The following PROX1 variants were observed in gnomAD, a reference collection of about 807,000 sequenced individuals.
PROX1 encodes the protein prospero homeobox protein 1.
In PROX1, 7 loss-of-function variants were observed where a neutral mutation model predicts 58.8. The observed-to-expected ratio is 0.12, with a 90% confidence interval of 0.07 to 0.22. The LOEUF is 0.22. PROX1 is among the 10% of genes least tolerant of loss of function. PROX1 has a pLI of 1.00. For synonymous variants in PROX1, 350 were observed against 358.3 expected, an observed-to-expected ratio of 0.98 and a Z score of 0.26; for missense variants, 675 against 927.8, an observed-to-expected ratio of 0.73 and a Z score of 3.54.
At chr1:214,026,887 A>T (rs1398947006) in intron 4 of PROX1, among the ~76,000 whole-genome samples, 1 of 152,122 alleles carries the variant, frequency 6.6e-6, no homozygotes, top group Non-Finnish European at 1.5e-5. Flanking sequence ...TTCAAGGTAG[A>T]TCCTCAACCT....
intron 4 of PROX1, among the ~76,000 whole-genome samples, chr1:214,021,396 T>C (rs1664274387): frequency 6.6e-6 from 1 of 152,184 alleles, no homozygotes; most frequent in Non-Finnish European, 1.5e-5. Context: ...GAGGGTTGTG[T>C]CCATATTCTC....
At chr1:214,010,678 A>G (rs1383976232) in intron 3 of PROX1, among the ~76,000 whole-genome samples, 1 of 152,208 alleles carries the variant, frequency 6.6e-6, no homozygotes, top group Non-Finnish European at 1.5e-5. Context: ...ATCCAGAAAG[A>G]CATCTTCATT....
chr1:213,996,339 A>C, intron 1 of PROX1, 130 bp from the exon 2 acceptor site: 1 of 565,480 alleles, frequency 1.8e-6, no homozygotes, highest in Admixed American at 3.3e-5. Context: ...GTGCATAATA[A>C]ATTGCAATAA....
chr1:214,009,107 C>T (rs1663819699), intron 3 of PROX1, among the ~76,000 whole-genome samples: 1 of 152,190 alleles, frequency 6.6e-6, no homozygotes, highest in Non-Finnish European at 1.5e-5. Context: ...AATGATGTAT[C>T]TCATTCCCTC....
At chr1:213,994,804 A>ATATATATAT (rs1663195091) in intron 1 of PROX1, among the ~76,000 whole-genome samples, 3 of 89,390 alleles carry the variant, frequency 3.4e-5, no homozygotes, top group Non-Finnish European at 4.6e-5. Context: ...TATATATATA[A>ATATATATAT]AGAGGTATCA....
chr1:213,999,513 T>C lies in PROX1; in HGVS notation c.1725+1253T>C, dbSNP rs564463173. Among the ~76,000 whole-genome samples the C allele has an allele frequency of 9.2e-5, 14 of 152,120 alleles. No homozygotes were observed. In the East Asian group the frequency reaches 2.7e-3, roughly 29 times the overall value. ...AATATGTTTTCCTGGTTAGTGGAGGTCGTACTTCAAGCCACCTCTCAGGAT... is the reference window on the plus strand; with the variant it reads ...AATATGTTTTCCTGGTTAGTGGAGGCCGTACTTCAAGCCACCTCTCAGGAT... On this transcript the variant is annotated intron_variant, in intron 2 of 4. Coordinates refer to ENST00000366958, the MANE Select transcript of PROX1 (RefSeq NM_001270616.2).
chr1:214,031,062 T>C (rs1236549009), intron 4 of PROX1, among the ~76,000 whole-genome samples: 25 of 150,412 alleles, frequency 1.7e-4, no homozygotes, highest in African/African-American at 5.9e-4. Context: ...TGTGTGTGTG[T>C]GTGTGCGCGC....
At chr1:214,027,297 G>A (rs1664492001) in intron 4 of PROX1, among the ~76,000 whole-genome samples, 1 of 150,656 alleles carries the variant, frequency 6.6e-6, no homozygotes, top group African/African-American at 2.4e-5. Flanking sequence ...TGAAACCTCT[G>A]ATCTCAAACT....
intron 4 of PROX1, among the ~76,000 whole-genome samples, chr1:214,022,099 T>A (rs1664299476): frequency 6.6e-6 from 1 of 152,208 alleles, no homozygotes; most frequent in African/African-American, 2.4e-5. Flanking sequence ...TTGGGGAGTC[T>A]TTCCACTGTC....
chr1:214,038,678 T>A lies in PROX1; in HGVS notation c.*2844T>A, dbSNP rs1664908243. 1.3e-5 allele frequency: 2 copies of A among 152,148 alleles called. No individual in the cohort carries two copies. Among genetic ancestry groups the A allele is most frequent in the Admixed American group, 1.3e-4 (2 of 15,278 alleles). The allele number at this position is 152,148 out of a possible 1,614,324, so 9.4% of individuals were successfully genotyped here. The stretch of plus-strand genomic sequence containing the variant: ...TTTAAAAAATCCTTCAAAATACCAG[T>A]TTTTTCCCAACAAGTACAATTGTTC... On this transcript the variant is annotated 3_prime_UTR_variant, in exon 5 of 5. Coordinates refer to ENST00000366958, the MANE Select transcript of PROX1 (RefSeq NM_001270616.2).
intron 4 of PROX1, among the ~76,000 whole-genome samples, chr1:214,020,514 A>AAAG (rs991636385): frequency 3.3e-5 from 5 of 152,266 alleles, no homozygotes; most frequent in African/African-American, 1.2e-4. Flanking sequence ...TTCTCTCTCT[A>AAAG]AAGTTTTATT....
intron 3 of PROX1, 86 bp downstream of exon 3, chr1:214,005,358 T>C: frequency 9.6e-7 from 1 of 1,039,900 alleles, no homozygotes; most frequent in Non-Finnish European, 1.4e-6. Context: ...GAGATGAATG[T>C]GGAATTGGTT....
At chr1:214,007,084 G>T (rs1230626251) in intron 3 of PROX1, among the ~76,000 whole-genome samples, 1 of 152,140 alleles carries the variant, frequency 6.6e-6, no homozygotes, top group African/African-American at 2.4e-5. Flanking sequence ...GTGGTGTGTG[G>T]TGGCAAGTGG....
chr1:213,991,432 A>G (rs183616137), intron 1 of PROX1, among the ~76,000 whole-genome samples: 1 of 152,186 alleles, frequency 6.6e-6, no homozygotes, highest in African/African-American at 2.4e-5. Context: ...CCAAACACAC[A>G]CACACACACC....
intron 3 of PROX1, among the ~76,000 whole-genome samples, chr1:214,006,777 G>A (rs1394400045): frequency 6.6e-6 from 1 of 152,154 alleles, no homozygotes; most frequent in East Asian, 1.9e-4. Context: ...GCACATATGT[G>A]TGTGTGTGTG....
chr1:214,010,612 A>T (rs1663875170), intron 3 of PROX1, among the ~76,000 whole-genome samples: 1 of 152,186 alleles, frequency 6.6e-6, no homozygotes, highest in African/African-American at 2.4e-5. Flanking sequence ...GTTGAGACTC[A>T]TCTGTCCTTT....
chr1:213,983,175 G>C (rs953837308), upstream of PROX1: 1 of 152,252 alleles, frequency 6.6e-6, no homozygotes, highest in African/African-American at 2.4e-5. Flanking sequence ...CGCTCCTGCC[G>C]AGTGCCTGGA....
At chr1:214,012,521 T>C (rs1663949035) in intron 4 of PROX1, among the ~76,000 whole-genome samples, 2 of 152,338 alleles carry the variant, frequency 1.3e-5, no homozygotes, top group South Asian at 2.1e-4. Context: ...CAAACAGTTT[T>C]CATCACAACG....
intron 4 of PROX1, among the ~76,000 whole-genome samples, chr1:214,012,686 G>A (rs1663955018): frequency 6.6e-6 from 1 of 152,202 alleles, no homozygotes; most frequent in Non-Finnish European, 1.5e-5. Flanking sequence ...GACAGGCTGT[G>A]GCTTGACAAA....
Sources: allele counts gnomAD v4.1 joint callset (sites outside exome capture counted in the v4.1 genomes callset), GRCh38; gene constraint gnomAD v4.1.1; transcripts MANE v1.5; gene names NCBI Gene and HGNC (gene_info 2026-07-23, HGNC 2026-07-21).